The following DPYS variants were observed in gnomAD, a reference collection of about 807,000 sequenced individuals.
The protein encoded by DPYS is dihydropyrimidine amidohydrolase.
DPYS carries 39 observed loss-of-function variants against 50.3 expected under a neutral mutation model. The ratio of observed to expected loss-of-function variants is 0.78; its 90% confidence interval spans 0.60 to 1.01. The LOEUF (loss-of-function observed/expected upper bound fraction) is 1.01. DPYS is among the 50% of genes least tolerant of loss of function. The probability of loss-of-function intolerance (pLI) is 0.00; values close to 1 mark genes in which losing one functional copy is unlikely to be tolerated. For synonymous variants in DPYS, 245 were observed against 250.7 expected, an observed-to-expected ratio of 0.98 and a Z score of 0.22; for missense variants, 659 against 680.9, an observed-to-expected ratio of 0.97 and a Z score of 0.36.
At chr8:104,399,306 A>AAAAC (rs1564083767) in intron 7 of DPYS, among the ~76,000 whole-genome samples, 11 of 38,672 alleles carry the variant, frequency 2.8e-4, no homozygotes, top group Non-Finnish European at 5.5e-4. Context: ...AAAAAAAAAA[A>AAAAC]AAAACAACAA....
At chr8:104,451,474 A>C (rs1279836764) in intron 1 of DPYS, 70 bp from the exon 2 acceptor site, 1 of 1,600,124 alleles carries the variant, frequency 6.2e-7, no homozygotes, top group Non-Finnish European at 8.5e-7. Flanking sequence ...CATCTTGAAC[A>C]ATGTGCATTT....
chr8:104,383,830 G>A (rs1301702155), intron 8 of DPYS, among the ~76,000 whole-genome samples: 2 of 152,128 alleles, frequency 1.3e-5, no homozygotes, highest in Non-Finnish European at 2.9e-5. Context: ...TTGAACTCCT[G>A]ACCTCAAGTC....
Position 104,429,614 on chromosome 8 carries a change from T to A in DPYS, c.881A>T (p.His294Leu). The stretch of plus-strand genomic sequence containing the variant: ...TCGCAAAGGTGGACCCATGACATGG[T>A]GGGCTGCATGGTGCCATTCTTTATT... ...YWNKEWHHAAHHVMGPPLRPD... is the reference protein window; with the variant it reads ...YWNKEWHHAALHVMGPPLRPD... Residue 294 changes from histidine to leucine, a missense_variant, in exon 5 of 10, where the codon CAC becomes CTC. Physicochemically the swap from His to Leu is moderately conservative, Grantham distance 99. Coordinates refer to ENST00000351513, the MANE Select transcript of DPYS (RefSeq NM_001385.3). 6.2e-7 allele frequency: 1 copy of A among 1,614,196 alleles called. No homozygotes were observed. The highest frequency in any genetic ancestry group is 8.5e-7 in the Non-Finnish European group (1 of 1,180,026).
rs1444733548 is a variant in DPYS, at chr8:104,466,806, G to C, written c.115C>G (p.Leu39Val). The change falls in exon 1 of 10, where the codon CTG becomes GTG. Residue 39 changes from leucine to valine, a missense_variant. Transcript: ENST00000351513. ...DGVVRALGHDLLPPGGAPAGL... is the reference protein window; with the variant it reads ...DGVVRALGHDVLPPGGAPAGL... ...GCAGGAGCGCCCCCGGGAGGCAGCA[G>C]GTCGTGCCCGAGTGCCCGCACCACG... is the stretch of plus-strand genomic sequence containing the variant. 1.3e-6 allele frequency: 2 copies of C among 1,534,074 alleles called. No homozygotes were observed. The highest frequency in any genetic ancestry group is 4.9e-5 in the East Asian group (2 of 40,758).
intron 1 of DPYS, among the ~76,000 whole-genome samples, chr8:104,451,701 G>A (rs1813749539): frequency 1.3e-5 from 2 of 152,094 alleles, no homozygotes; most frequent in Non-Finnish European, 2.9e-5. Context: ...AAATCAAAAT[G>A]GAAAAGTGGA....
chr8:104,423,960 G>A, intron 7 of DPYS: 1 of 983,256 alleles, frequency 1.0e-6, no homozygotes, highest in Non-Finnish European at 1.2e-6. Context: ...TTTCTTCCAT[G>A]TGAACTCGGG....
rs756491675 is a variant in DPYS, at chr8:104,415,581, C to CT, written c.1235+8665dup. 4.5e-3 allele frequency among the ~76,000 whole-genome samples: 632 copies of CT among 141,022 alleles called. 1 individual carries two copies. Among genetic ancestry groups the CT allele is most frequent in the African/African-American group, 0.013 (507 of 38,584 alleles). 92.5% of individuals were successfully genotyped at this position (141,022 alleles called of 152,430 possible). A position where few individuals can be genotyped will look rare whatever the true frequency, so the allele number is the denominator to read the frequency against. On this transcript the variant is annotated intron_variant, in intron 7 of 9. Transcript: ENST00000351513. ...AGCTTTTTTTCATGCATAGCCCAGA[C>CT]TTTTTTTTTTTTTTAAAGCAAATGT...
At chr8:104,397,821 C>T (rs1163571583) in intron 7 of DPYS, among the ~76,000 whole-genome samples, 1 of 152,152 alleles carries the variant, frequency 6.6e-6, no homozygotes, top group Non-Finnish European at 1.5e-5. Flanking sequence ...CCACTTCCAA[C>T]TTTTGAGAAT....
intron 7 of DPYS, among the ~76,000 whole-genome samples, chr8:104,399,271 A>G (rs1046006480): frequency 7.0e-5 from 10 of 143,560 alleles, no homozygotes; most frequent in African/African-American, 2.6e-4. Context: ...AGCCTGGGCA[A>G]CAGAGTGAGA....
At chr8:104,400,425 A>G (rs1395505529) in intron 7 of DPYS, among the ~76,000 whole-genome samples, 1 of 152,238 alleles carries the variant, frequency 6.6e-6, no homozygotes, top group Non-Finnish European at 1.5e-5. Context: ...AAGAGCTTCA[A>G]GATTCATTAC....
At chr8:104,425,707 T>C (rs1428826159) in intron 6 of DPYS, among the ~76,000 whole-genome samples, 1 of 152,164 alleles carries the variant, frequency 6.6e-6, no homozygotes, top group African/African-American at 2.4e-5. Flanking sequence ...CAATTATGGA[T>C]AGTCTATTGC....
At chr8:104,424,051 C>T (rs1159587106) in intron 7 of DPYS, 196 bp downstream of exon 7, 10 of 984,754 alleles carry the variant, frequency 1.0e-5, no homozygotes, top group African/African-American at 1.7e-5. Context: ...ACAACTTCTA[C>T]ATCCTCTATG....
intron 7 of DPYS, among the ~76,000 whole-genome samples, chr8:104,405,042 G>A (rs1341863668): frequency 2.6e-5 from 4 of 151,980 alleles, no homozygotes; most frequent in African/African-American, 7.2e-5. Flanking sequence ...AAAAAAAAAC[G>A]ACAGGCAAGG....
chr8:104,437,665 TG>T, intron 4 of DPYS, among the ~76,000 whole-genome samples: 1 of 152,298 alleles, frequency 6.6e-6, no homozygotes, highest in African/African-American at 2.4e-5. Flanking sequence ...CAGCAGCCCC[TG>T]GGGCTGCTCT....
intron 1 of DPYS, among the ~76,000 whole-genome samples, chr8:104,464,940 C>T (rs1275282868): frequency 6.6e-6 from 1 of 152,154 alleles, no homozygotes; most frequent in Non-Finnish European, 1.5e-5. Context: ...ACAAAGTTTG[C>T]TAATTTTCAA....
intron 7 of DPYS, among the ~76,000 whole-genome samples, chr8:104,398,268 G>A (rs190750154): frequency 2.7e-4 from 41 of 152,366 alleles, no homozygotes; most frequent in Non-Finnish European, 5.6e-4. Flanking sequence ...GTAGAGATGG[G>A]TCAATCCTGG....
chr8:104,452,044 T>C lies in DPYS; in HGVS notation c.265-640A>G, dbSNP rs140102670. Among the ~76,000 whole-genome samples the C allele has an allele frequency of 4.8e-4, 73 of 152,308 alleles. 1 individual carries two copies. Among genetic ancestry groups the C allele is most frequent in the East Asian group, 4.4e-3 (23 of 5,182 alleles). On this transcript the variant is annotated intron_variant, in intron 1 of 9. Transcript: ENST00000351513. ...AAACCCCTCATTGCAACGAGAGAGA[T>C]ATTTCCAAAGCAAAAATGTAACCAC...
chr8:104,456,269 T>TGAGAATACATTAATAGATGGGG (rs1813922608), intron 1 of DPYS, among the ~76,000 whole-genome samples: 1 of 152,172 alleles, frequency 6.6e-6, no homozygotes, highest in Non-Finnish European at 1.5e-5. Flanking sequence ...AATGTATTCC[T>TGAGAATACATTAATAGATGGGG]GCTATTAAGT....
At chr8:104,383,798 C>T (rs1432513366) in intron 8 of DPYS, among the ~76,000 whole-genome samples, 5 of 152,144 alleles carry the variant, frequency 3.3e-5, no homozygotes, top group East Asian at 1.9e-4. Flanking sequence ...GACGGGATTT[C>T]GCCATCTTGG....
Sources: allele counts gnomAD v4.1 joint callset (sites outside exome capture counted in the v4.1 genomes callset), GRCh38; gene constraint gnomAD v4.1.1; transcripts MANE v1.5; gene names NCBI Gene and HGNC (gene_info 2026-07-23, HGNC 2026-07-21).